Variants in RIMS1 observed in about 807,000 individuals in gnomAD.
RIMS1 encodes regulating synaptic membrane exocytosis 1.
In RIMS1, 83 loss-of-function variants were observed where a neutral mutation model predicts 214.1. The ratio of observed to expected loss-of-function variants is 0.39; its 90% CI spans 0.32 to 0.47. The LOEUF (loss-of-function observed/expected upper bound fraction) is 0.47. Ranked by LOEUF, RIMS1 falls within the 20% of genes least tolerant of loss-of-function variation. The probability of loss-of-function intolerance (pLI) is 0.99; values close to 1 mark genes in which losing one functional copy is unlikely to be tolerated. For synonymous variants in RIMS1, 793 were observed against 786.8 expected (o/e 1.01, Z -0.13); for missense variants, 2,050 against 2,161.8 (o/e 0.95, Z 1.03).
rs188045079 is a variant in RIMS1, at chr6:71,989,661, G to A, written c.245+20598G>A. Among the ~76,000 whole-genome samples the A allele has an allele frequency of 1.8e-4, 28 of 152,290 alleles. No homozygotes were observed. In the East Asian group the frequency reaches 4.0e-3, roughly 22 times the overall value. ...TACAGTTTCTTGATTACATTTGGTC[G>A]TAATCATTGATCGATTCATTAATTC... On this transcript the variant is annotated intron_variant, in intron 2 of 33. Coordinates refer to ENST00000521978, the MANE Select transcript of RIMS1 (RefSeq NM_014989.7).
intron 2 of RIMS1, among the ~76,000 whole-genome samples, chr6:71,980,729 A>G (rs1455479778): frequency 6.6e-6 from 1 of 152,128 alleles, no homozygotes; most frequent in East Asian, 1.9e-4. Context: ...ATTAAAATAG[A>G]TGAGACATGG....
intron 10 of RIMS1, 26 bp from the exon 11 acceptor site, chr6:72,245,788 AT>A (rs754180128): frequency 2.5e-6 from 4 of 1,593,392 alleles, no homozygotes; most frequent in Non-Finnish European, 8.6e-7. Flanking sequence ...AACTAATGGG[AT>A]TTTCACCATA....
rs555358180 is a variant in RIMS1 at position 72,080,252 on chromosome 6, C to T, written c.246-16697C>T. Among the ~76,000 whole-genome samples the T allele has an allele frequency of 1.1e-4, 16 of 151,838 alleles. No individual in the cohort carries two copies. In the South Asian group the frequency reaches 2.5e-3, roughly 24 times the overall value. On this transcript the variant is annotated intron_variant, in intron 2 of 33. Transcript: ENST00000521978. ...GCACTCCAGCCTGGGCAACACAGCG[C>T]GACTCCATCTCAAAAATAAAATAAA...
chr6:72,362,978 C>T (rs1184778467), intron 29 of RIMS1, among the ~76,000 whole-genome samples: 1 of 152,098 alleles, frequency 6.6e-6, no homozygotes, highest in Non-Finnish European at 1.5e-5. Flanking sequence ...ATGGTCCTTA[C>T]CCTCATGGAT....
At chr6:72,219,645 T>G (rs1300705815) in intron 6 of RIMS1, among the ~76,000 whole-genome samples, 1 of 147,180 alleles carries the variant, frequency 6.8e-6, no homozygotes, top group African/African-American at 2.5e-5. Context: ...CTGTCTTATA[T>G]TTTAGGCTTA....
intron 23 of RIMS1, among the ~76,000 whole-genome samples, chr6:72,277,478 A>G (rs1393496868): frequency 6.6e-6 from 1 of 151,804 alleles, no homozygotes; most frequent in Non-Finnish European, 1.5e-5. Context: ...GCTATTCGGG[A>G]GGCTCAGGCA....
chr6:72,013,407 T>A (rs1811556449), intron 2 of RIMS1, among the ~76,000 whole-genome samples: 1 of 152,226 alleles, frequency 6.6e-6, no homozygotes, highest in Admixed American at 6.5e-5. Flanking sequence ...ATATATTAAC[T>A]GTGCTAAATG....
At chr6:72,359,224 C>T (rs997799400) in intron 29 of RIMS1, among the ~76,000 whole-genome samples, 5 of 152,138 alleles carry the variant, frequency 3.3e-5, no homozygotes. Context: ...GATCCTTGCA[C>T]CAATCTCCAG....
At chr6:72,277,797 A>G (rs2087425882) in intron 23 of RIMS1, among the ~76,000 whole-genome samples, 2 of 152,162 alleles carry the variant, frequency 1.3e-5, no homozygotes, top group Admixed American at 1.3e-4. Flanking sequence ...AATACATGAA[A>G]ATGCTAATGA....
intron 29 of RIMS1, among the ~76,000 whole-genome samples, chr6:72,381,407 C>G (rs2098484696): frequency 6.6e-6 from 1 of 152,190 alleles, no homozygotes; most frequent in African/African-American, 2.4e-5. Context: ...GCTCCTAACA[C>G]TAGAAATACT....
intron 16 of RIMS1, among the ~76,000 whole-genome samples, chr6:72,255,343 T>C (rs2075357364): frequency 6.6e-6 from 1 of 152,216 alleles, no homozygotes. Flanking sequence ...ATGTTTAATG[T>C]ACTCAAGGAA....
At chr6:72,232,751 G>A (rs2062486272) in intron 6 of RIMS1, among the ~76,000 whole-genome samples, 1 of 151,702 alleles carries the variant, frequency 6.6e-6, no homozygotes, top group Non-Finnish European at 1.5e-5. Context: ...TGGAATTGAA[G>A]TGCCTGAATA....
At chr6:72,275,655 G>T (rs559519780) in intron 23 of RIMS1, among the ~76,000 whole-genome samples, 1 of 152,168 alleles carries the variant, frequency 6.6e-6, no homozygotes, top group African/African-American at 2.4e-5. Flanking sequence ...GCTACTGTCT[G>T]ATTTCTAGGA....
intron 1 of RIMS1, among the ~76,000 whole-genome samples, chr6:71,927,083 A>G (rs886612433): frequency 2.0e-5 from 3 of 152,186 alleles, no homozygotes; most frequent in Non-Finnish European, 4.4e-5. Context: ...TTAGAGGTAC[A>G]GAAAGAAGGC....
At chr6:72,189,726 C>A (rs2153979287) in intron 6 of RIMS1, among the ~76,000 whole-genome samples, 1 of 152,314 alleles carries the variant, frequency 6.6e-6, no homozygotes, top group Non-Finnish European at 1.5e-5. Context: ...TGTTGCTGAG[C>A]CCATGCGTAA....
chr6:72,334,403 A>G (rs1234259102), intron 29 of RIMS1, among the ~76,000 whole-genome samples: 3 of 151,884 alleles, frequency 2.0e-5, no homozygotes, highest in African/African-American at 7.2e-5. Flanking sequence ...TGTGTTTCAG[A>G]TATTTTCTGC....
chr6:72,178,175 A>T (rs1408178069), intron 4 of RIMS1, among the ~76,000 whole-genome samples: 1 of 152,054 alleles, frequency 6.6e-6, no homozygotes, highest in Non-Finnish European at 1.5e-5. Flanking sequence ...TATAGCAAGT[A>T]TTTCTCTTCA....
At chr6:72,235,976 TTTG>T (rs1351474503) in intron 8 of RIMS1, among the ~76,000 whole-genome samples, 3 of 152,146 alleles carry the variant, frequency 2.0e-5, no homozygotes, top group Non-Finnish European at 4.4e-5. Flanking sequence ...AATGTGGACT[TTTG>T]TTGTAACTTA....
At chr6:72,165,655 G>A (rs2046153511) in intron 4 of RIMS1, among the ~76,000 whole-genome samples, 1 of 152,088 alleles carries the variant, frequency 6.6e-6, no homozygotes, top group Admixed American at 6.6e-5. Flanking sequence ...CTCCTTGCAT[G>A]CAGTAAGAGA....
Sources: gnomAD v4.1 joint callset for allele counts (sites outside exome capture counted in the v4.1 genomes callset) on GRCh38, gnomAD v4.1.1 for gene constraint, MANE v1.5 for transcripts, NCBI Gene and HGNC (gene_info 2026-07-23, HGNC 2026-07-21) for gene names.